Variants in PBX1 observed in about 807,000 individuals in gnomAD.
PBX1 encodes pre-B-cell leukemia transcription factor 1.
In PBX1, 6 loss-of-function variants were observed where a neutral mutation model predicts 53.4. The ratio of observed to expected loss-of-function variants is 0.11; its 90% CI spans 0.06 to 0.22. PBX1 has a LOEUF of 0.22. PBX1 is among the 10% of genes least tolerant of loss of function. The probability of loss-of-function intolerance (pLI) is 1.00; values close to 1 mark genes in which losing one functional copy is unlikely to be tolerated. For missense variants in PBX1, 251 were observed against 551.4 expected (o/e 0.46, Z 5.46); for synonymous variants, 204 against 212.3 (o/e 0.96, Z 0.34).
intron 2 of PBX1, among the ~76,000 whole-genome samples, chr1:164,735,808 A>G (rs2102150721): frequency 1.3e-5 from 2 of 152,260 alleles, no homozygotes; most frequent in South Asian, 4.1e-4. Context: ...ATCAGCAGTA[A>G]TTGGATTCTG....
At chr1:164,756,443 A>G (rs567763166) in intron 2 of PBX1, among the ~76,000 whole-genome samples, 1 of 152,364 alleles carries the variant, frequency 6.6e-6, no homozygotes, top group Non-Finnish European at 1.5e-5. Flanking sequence ...ACGTTTGTAC[A>G]CAGAAATGCT....
intron 8 of PBX1, among the ~76,000 whole-genome samples, chr1:164,831,796 G>C (rs566858214): frequency 2.6e-5 from 4 of 152,148 alleles, no homozygotes; most frequent in Admixed American, 6.6e-5. Context: ...GTTGTCCACA[G>C]AATAGTCTGT....
intron 2 of PBX1, among the ~76,000 whole-genome samples, chr1:164,786,729 A>ACG (rs544561527): frequency 0.037 from 5,289 of 144,462 alleles, 130 homozygotes; most frequent in East Asian, 0.087. Flanking sequence ...GTGCGCGCGC[A>ACG]CACACACACA....
chr1:164,590,127 T>C (rs1655261295), intron 2 of PBX1, among the ~76,000 whole-genome samples: 1 of 151,434 alleles, frequency 6.6e-6, no homozygotes, highest in Middle Eastern at 3.4e-3. Context: ...GTGGGAAGAT[T>C]GCTGAGCCTG....
At chr1:164,671,417 T>C (rs1661104393) in intron 2 of PBX1, among the ~76,000 whole-genome samples, 2 of 152,192 alleles carry the variant, frequency 1.3e-5, no homozygotes, top group South Asian at 4.1e-4. Flanking sequence ...CACGTTGACA[T>C]TAAAGATGGG....
chr1:164,820,949 G>A (rs750042247), intron 7 of PBX1, among the ~76,000 whole-genome samples: 3 of 152,170 alleles, frequency 2.0e-5, no homozygotes, highest in Non-Finnish European at 4.4e-5. Context: ...GCCCGGAACA[G>A]ACCAACTGGT....
intron 2 of PBX1, among the ~76,000 whole-genome samples, chr1:164,595,557 C>A (rs1018698382): frequency 3.3e-5 from 5 of 151,416 alleles, no homozygotes; most frequent in African/African-American, 4.9e-5. Flanking sequence ...CCACTTTTGG[C>A]ATGATTCATT....
chr1:164,689,153 G>C (rs1030603258), intron 2 of PBX1, among the ~76,000 whole-genome samples: 18 of 152,200 alleles, frequency 1.2e-4, no homozygotes, highest in Admixed American at 2.6e-4. Flanking sequence ...ATACATTACG[G>C]CAAACACCTT....
chr1:164,720,018 T>C (rs1249610849), intron 2 of PBX1, among the ~76,000 whole-genome samples: 2 of 152,166 alleles, frequency 1.3e-5, no homozygotes, highest in Admixed American at 6.5e-5. Flanking sequence ...TTACCACAAA[T>C]GCTTGCCCCG....
intron 2 of PBX1, among the ~76,000 whole-genome samples, chr1:164,585,581 A>C (rs367884243): frequency 5.3e-4 from 80 of 152,316 alleles, no homozygotes; most frequent in Middle Eastern, 3.4e-3. Context: ...CATTTAAATA[A>C]AAATGTCCTG....
intron 2 of PBX1, among the ~76,000 whole-genome samples, chr1:164,610,874 T>C (rs574570941): frequency 6.6e-6 from 1 of 152,386 alleles, no homozygotes; most frequent in Non-Finnish European, 1.5e-5. Context: ...AATTAAATGT[T>C]TGACCAGCAG....
chr1:164,587,866 A>G lies in PBX1; in HGVS notation c.265+24555A>G, dbSNP rs1212218857. ...TGTTGCAGCAGTACACTCCTCCCTG[A>G]TCCTCCTTCTCATCCCCCACCCCTT... is the stretch of plus-strand genomic sequence containing the variant. On this transcript the variant is annotated intron_variant, in intron 2 of 8. Coordinates refer to ENST00000420696, the MANE Select transcript of PBX1 (RefSeq NM_002585.4). 5.3e-5 allele frequency among the ~76,000 whole-genome samples: 8 copies of G among 152,074 alleles called. No individual in the cohort carries two copies. In the East Asian group the frequency reaches 1.5e-3, roughly 29 times the overall value.
chr1:164,709,178 T>C lies in PBX1; in HGVS notation c.266-83316T>C, dbSNP rs117840659. Among the ~76,000 whole-genome samples, 58 of 152,306 alleles carry C rather than the reference T, an allele frequency of 3.8e-4. 1 individual carries two copies. The East Asian group carries it at 0.011, about 28-fold the overall frequency. ...TTGTTGGTCACTTTTGTCTATCTGC[T>C]ACTCTCAAGGCTCCATTTGTCTCTG... On this transcript the variant is annotated intron_variant, in intron 2 of 8. Transcript: ENST00000420696.
intron 2 of PBX1, among the ~76,000 whole-genome samples, chr1:164,656,927 T>G (rs1007307753): frequency 6.6e-6 from 1 of 152,182 alleles, no homozygotes; most frequent in African/African-American, 2.4e-5. Context: ...ATGGGTTGAC[T>G]GTGGATTGTA....
At chr1:164,681,015 G>A (rs141014532) in intron 2 of PBX1, among the ~76,000 whole-genome samples, 2,535 of 152,220 alleles carry the variant, frequency 0.017, 53 homozygotes, top group East Asian at 0.065. Flanking sequence ...TGTAATCCCA[G>A]CACTTTGGGA....
At chr1:164,662,749 C>A (rs922806179) in intron 2 of PBX1, among the ~76,000 whole-genome samples, 1 of 152,084 alleles carries the variant, frequency 6.6e-6, no homozygotes, top group Non-Finnish European at 1.5e-5. Context: ...TTGGTAGCTT[C>A]GTTGTTACAG....
At chr1:164,618,304 G>GAT in intron 2 of PBX1, among the ~76,000 whole-genome samples, 1 of 150,952 alleles carries the variant, frequency 6.6e-6, no homozygotes, top group African/African-American at 2.4e-5. Context: ...CGGCGGGGGG[G>GAT]GGGGGGCACT....
At chr1:164,583,285 A>AG in intron 2 of PBX1, among the ~76,000 whole-genome samples, 1 of 112,096 alleles carries the variant, frequency 8.9e-6, no homozygotes, top group South Asian at 2.9e-4. Flanking sequence ...AGAGGCGGGA[A>AG]AAAAAAAAAA....
At chr1:164,881,872 G>A (rs1384116028) in intron 2 of PBX1, among the ~76,000 whole-genome samples, 1 of 152,170 alleles carries the variant, frequency 6.6e-6, no homozygotes, top group African/African-American at 2.4e-5. Flanking sequence ...AATCTTAGAA[G>A]CTCATTCACT....
Sources: allele counts gnomAD v4.1 joint callset (sites outside exome capture counted in the v4.1 genomes callset), GRCh38; gene constraint gnomAD v4.1.1; transcripts MANE v1.5; gene names NCBI Gene and HGNC (gene_info 2026-07-23, HGNC 2026-07-21).